DMXL1: variants seen among roughly 807,000 people sequenced by gnomAD.
The protein encoded by DMXL1 is dmX-like protein 1.
A neutral mutation model predicts 319.2 loss-of-function variants in DMXL1; 99 were observed. The observed-to-expected ratio is 0.31, with a 90% CI of 0.26 to 0.37. DMXL1 has a LOEUF of 0.37. DMXL1 is among the 10% of genes least tolerant of loss of function. The pLI, the probability that DMXL1 is intolerant of heterozygous loss-of-function variation, is 1.00. For synonymous variants in DMXL1, 1,385 were observed against 1,235.2 expected, an observed-to-expected ratio of 1.12 and a Z score of -2.54; for missense variants, 3,745 against 3,595.6, an observed-to-expected ratio of 1.04 and a Z score of -1.06.
chr5:119,103,533 G>T (rs1446315771), intron 3 of DMXL1, among the ~76,000 whole-genome samples: 1 of 152,132 alleles, frequency 6.6e-6, no homozygotes, highest in Non-Finnish European at 1.5e-5. Context: ...TGATTCCTAG[G>T]TGTGAGTGTT....
chr5:119,237,642 A>G (rs747342360), intron 40 of DMXL1, among the ~76,000 whole-genome samples: 3 of 152,038 alleles, frequency 2.0e-5, no homozygotes, highest in Non-Finnish European at 4.4e-5. Context: ...TAGAAGCAAC[A>G]TGATACCCCC....
intron 1 of DMXL1, among the ~76,000 whole-genome samples, chr5:119,087,824 C>T (rs1211742868): frequency 6.6e-6 from 1 of 151,552 alleles, no homozygotes; most frequent in African/African-American, 2.4e-5. Context: ...TTTTTTGAGA[C>T]AGAGTCTCGT....
Position 119,178,153 on chromosome 5 carries a change from C to T in DMXL1, c.7044C>T (p.Ala2348=), listed in dbSNP as rs1251761454. 1 of 1,613,794 alleles carries T rather than the reference C, an allele frequency of 6.2e-7. No homozygotes were observed. Among genetic ancestry groups the T allele is most frequent in the Non-Finnish European group, 8.5e-7 (1 of 1,179,850 alleles). The change falls in exon 28 of 44, where the codon GCC becomes GCT. Residue 2348 remains alanine, a synonymous_variant. Coordinates refer to ENST00000539542, the MANE Select transcript of DMXL1 (RefSeq NM_001290321.3). ...HSSNELFRIV[A]HPLNEKMWSA... is the part of the protein sequence containing the mutation. The stretch of plus-strand genomic sequence containing the variant: ...GTAATGAGCTATTTCGGATTGTGGC[C>T]CATCCTCTAAATGAGAAAATGTGGT...
At chr5:119,135,182 G>T (rs1165049192) in intron 13 of DMXL1, among the ~76,000 whole-genome samples, 1 of 152,040 alleles carries the variant, frequency 6.6e-6, no homozygotes, top group Non-Finnish European at 1.5e-5. Flanking sequence ...ATTTTGGGGG[G>T]GGTCTTCTAT....
In DMXL1 at chr5:119,077,838, CGT is replaced by C. The variant is rs1277830686; in HGVS notation, c.87+6195_87+6196del. On this transcript the variant is annotated intron_variant, in intron 1 of 43. Coordinates refer to ENST00000539542, the MANE Select transcript of DMXL1 (RefSeq NM_001290321.3). ...CCTATCTGTACTTAAAAAATATATA[CGT>C]GTGTGTGTGTGTATATATACGTGTG... 9.5e-4 allele frequency among the ~76,000 whole-genome samples: 103 copies of C among 108,778 alleles called. 2 individuals carry two copies. Among genetic ancestry groups the C allele is most frequent in the South Asian group, 1.7e-3 (5 of 2,890 alleles). 71.4% of individuals were successfully genotyped at this position (108,778 alleles called of 152,430 possible).
At chr5:119,112,102 A>C (rs1759758223) in intron 5 of DMXL1, among the ~76,000 whole-genome samples, 1 of 152,116 alleles carries the variant, frequency 6.6e-6, no homozygotes, top group East Asian at 1.9e-4. Context: ...TTGGGACTAC[A>C]GGCGCTCTAC....
At chr5:119,202,548 T>C (rs1431864336) in intron 32 of DMXL1, among the ~76,000 whole-genome samples, 1 of 152,056 alleles carries the variant, frequency 6.6e-6, no homozygotes, top group African/African-American at 2.4e-5. Flanking sequence ...AAACTTTGTT[T>C]CATGCACACA....
intron 23 of DMXL1, 66 bp from the exon 24 acceptor site, chr5:119,170,124 A>G (rs1237331762): frequency 2.7e-6 from 4 of 1,476,474 alleles, no homozygotes; most frequent in East Asian, 2.3e-5. Context: ...AGATAGAGAA[A>G]AGACACTACA....
intron 39 of DMXL1, among the ~76,000 whole-genome samples, chr5:119,235,247 A>G (rs1310135522): frequency 6.6e-6 from 1 of 152,206 alleles, no homozygotes; most frequent in Non-Finnish European, 1.5e-5. Flanking sequence ...AGCAGAATAA[A>G]TAATAAATAA....
At chr5:119,108,327 G>A (rs140691605) in intron 4 of DMXL1, among the ~76,000 whole-genome samples, 14 of 152,222 alleles carry the variant, frequency 9.2e-5, no homozygotes, top group South Asian at 4.1e-4. Context: ...ATGATAGCAC[G>A]GCCTTCTACT....
intron 19 of DMXL1, among the ~76,000 whole-genome samples, chr5:119,157,912 G>T (rs949082585): frequency 6.6e-6 from 1 of 152,088 alleles, no homozygotes; most frequent in African/African-American, 2.4e-5. Context: ...ATTTTGGATA[G>T]TTTGGACATT....
intron 1 of DMXL1, among the ~76,000 whole-genome samples, chr5:119,074,500 T>G (rs1055203209): frequency 2.0e-5 from 3 of 152,236 alleles, no homozygotes; most frequent in Non-Finnish European, 2.9e-5. Flanking sequence ...AGATGTGAGA[T>G]CTTGTTTTAC....
At chr5:119,182,568 C>G (rs1024460668) in intron 28 of DMXL1, among the ~76,000 whole-genome samples, 5 of 152,034 alleles carry the variant, frequency 3.3e-5, no homozygotes, top group African/African-American at 9.6e-5. Context: ...ATATTTCTTT[C>G]TATATATCTA....
chr5:119,077,656 ATGTGTGTGTGTATATATATGTGTGTG>A (rs1751228071), intron 1 of DMXL1, among the ~76,000 whole-genome samples: 1 of 104,336 alleles, frequency 9.6e-6, no homozygotes, highest in South Asian at 3.0e-4. Context: ...TTTTTTGTAT[ATGTGTGTGTGTATATATATGTGTGTG>A]TGTGTGTGTG....
chr5:119,175,457 G>A (rs1327581132), intron 26 of DMXL1, 120 bp downstream of exon 26: 4 of 681,470 alleles, frequency 5.9e-6, no homozygotes, highest in African/African-American at 1.9e-5. Context: ...AAAGCATATG[G>A]TTGAGGTTTT....
chr5:119,172,879 A>T (rs1774866791), intron 25 of DMXL1, among the ~76,000 whole-genome samples: 1 of 151,992 alleles, frequency 6.6e-6, no homozygotes, highest in Non-Finnish European at 1.5e-5. Flanking sequence ...ATTAAATTTC[A>T]CTACTTATTT....
chr5:119,183,816 A>G (rs1777205911), intron 28 of DMXL1, among the ~76,000 whole-genome samples: 1 of 152,216 alleles, frequency 6.6e-6, no homozygotes, highest in Non-Finnish European at 1.5e-5. Flanking sequence ...ATTTTAATTT[A>G]AAGTTTAAAA....
rs1467028349 is a variant in DMXL1, at chr5:119,110,192, T to G, written c.406T>G (p.Ser136Ala). The G allele has an allele frequency of 4.4e-6, 7 of 1,595,032 alleles. No homozygotes were observed. The South Asian group carries it at 8.1e-5, about 18-fold the overall frequency. ...TGGTTCCAGCTATTTGCAACTCTGG[T>G]CCAATACTAACTTGGAGAAGCCAAC... Reference protein sequence around the residue: ...LTGSSYLQLWSNTNLEKPTED... With the variant: ...LTGSSYLQLWANTNLEKPTED... The change falls in exon 5 of 44, where the codon TCC (serine) becomes GCC (alanine). Residue 136 changes from serine to alanine, a missense_variant. Around this residue, in one of 4 missense-constraint regions of DMXL1, gnomAD observed 2,096 missense variants for 1,985.4 expected, o/e 1.06. Coordinates refer to ENST00000539542, the MANE Select transcript of DMXL1 (RefSeq NM_001290321.3).
chr5:119,179,045 A>G (rs893756335), intron 28 of DMXL1, among the ~76,000 whole-genome samples: 1 of 152,192 alleles, frequency 6.6e-6, no homozygotes, highest in Non-Finnish European at 1.5e-5. Context: ...TTTGCATATT[A>G]TGATTCCGGC....
Sources: gnomAD v4.1 joint callset for allele counts (sites outside exome capture counted in the v4.1 genomes callset) on GRCh38, gnomAD v4.1.1 for gene constraint, gnomAD v4.1.1 regional missense constraint, MANE v1.5 for transcripts, NCBI Gene and HGNC (gene_info 2026-07-23, HGNC 2026-07-21) for gene names.